Variants in IL7 observed in about 807,000 individuals in gnomAD.
IL7 encodes interleukin 7, also known as interleukin-7.
In IL7, 3 loss-of-function variants were observed where a neutral mutation model predicts 21.6. That is an observed-to-expected ratio of 0.14 (90% CI 0.06 to 0.36). IL7 has a LOEUF of 0.36. Among genes scored for constraint, IL7 ranks in the 10% least tolerant of loss-of-function variants. IL7 has a pLI of 1.00. For missense variants in IL7, 175 were observed against 200.2 expected (o/e 0.87, Z 0.76); for synonymous variants, 62 against 68.1 (o/e 0.91, Z 0.44).
At chr8:78,677,828 TAAGAAAGTA>T (rs904857859) in intron 4 of IL7, among the ~76,000 whole-genome samples, 30 of 152,304 alleles carry the variant, frequency 2.0e-4, no homozygotes, top group African/African-American at 7.2e-4. Context: ...GCAAGTTGAT[TAAGAAAGTA>T]AAGGAATGAA....
At chr8:78,801,693 A>G (rs1490546961) in intron 1 of IL7, among the ~76,000 whole-genome samples, 1 of 152,190 alleles carries the variant, frequency 6.6e-6, no homozygotes, top group Non-Finnish European at 1.5e-5. Flanking sequence ...TTCAGACTAA[A>G]TGATCTTTTT....
At chr8:78,783,066 G>A (rs1813393317) in intron 2 of IL7, among the ~76,000 whole-genome samples, 2 of 152,186 alleles carry the variant, frequency 1.3e-5, no homozygotes, top group African/African-American at 2.4e-5. Flanking sequence ...TGGAGCTGCA[G>A]TGATGGTTGC....
chr8:78,693,566 T>A (rs1345715005), intron 3 of IL7, among the ~76,000 whole-genome samples: 1 of 152,132 alleles, frequency 6.6e-6, no homozygotes. Flanking sequence ...TTTGCCCACT[T>A]TTTGATGGGG....
rs139096132 is a variant in IL7, at chr8:78,702,690, C to T, written n.215-16743G>A. On this transcript the variant is annotated intron_variant and non_coding_transcript_variant, in intron 3 of 4. Transcript: ENST00000523959. ...GTACTCTAAGTTTCAAAGCACTTCC[C>T]GATTTCTGCGTTAATTTCATTATTT... 1.6e-3 allele frequency among the ~76,000 whole-genome samples: 237 copies of T among 152,150 alleles called. 2 individuals are homozygous for T. Among genetic ancestry groups the T allele is most frequent in the African/African-American group, 5.3e-3 (218 of 41,502 alleles).
downstream of IL7, among the ~76,000 whole-genome samples, chr8:78,716,207 G>C (rs1371204470): frequency 2.0e-5 from 3 of 150,580 alleles, no homozygotes; most frequent in Admixed American, 6.6e-5. Flanking sequence ...ACTGCAAGCT[G>C]TGCCTCCCAG....
chr8:78,785,311 A>T (rs1813472148), intron 2 of IL7, among the ~76,000 whole-genome samples: 1 of 152,212 alleles, frequency 6.6e-6, no homozygotes, highest in South Asian at 2.1e-4. Flanking sequence ...AGGAACAATT[A>T]TTCATAAAAT....
chr8:78,745,249 A>G (rs1378658908), intron 2 of IL7, among the ~76,000 whole-genome samples: 2 of 152,244 alleles, frequency 1.3e-5, no homozygotes, highest in African/African-American at 4.8e-5. Context: ...TCTTCTTTAG[A>G]AACACTAATT....
intron 3 of IL7, among the ~76,000 whole-genome samples, chr8:78,687,357 G>A (rs1810018939): frequency 6.6e-6 from 1 of 150,910 alleles, no homozygotes; most frequent in African/African-American, 2.4e-5. Flanking sequence ...ACATTTTATT[G>A]TAGAGGAGAG....
At chr8:78,710,260 C>T (rs935692282) in intron 3 of IL7, among the ~76,000 whole-genome samples, 1 of 151,942 alleles carries the variant, frequency 6.6e-6, no homozygotes, top group Non-Finnish European at 1.5e-5. Flanking sequence ...TAACTTTTAG[C>T]CTAAGTAACA....
Position 78,798,072 on chromosome 8 carries a change from C to A in IL7, c.147G>T (p.Leu49Phe), listed in dbSNP as rs1813921389. 2.5e-6 allele frequency: 4 copies of A among 1,597,422 alleles called. No individual in the cohort carries two copies. Among genetic ancestry groups the A allele is most frequent in the South Asian group, 1.1e-5 (1 of 87,564 alleles). The change falls in exon 2 of 6, where the codon TTG (leucine) becomes TTT (phenylalanine). Residue 49 changes from leucine (L) to phenylalanine (F), a missense_variant and splice_region_variant. Physicochemically the swap from Leu to Phe is conservative, Grantham distance 22 (BLOSUM62 0). Coordinates refer to ENST00000263851, the MANE Select transcript of IL7 (RefSeq NM_000880.4). ...TGAGTAAAACAAAATAATCACATAC[C>A]AATAATTGATCGATGCTGACCATTA... ...SVLMVSIDQL[L>F]DSMKEIGSNC... is the part of the protein sequence containing the mutation.
chr8:78,739,653 C>G lies in IL7; in HGVS notation c.228+349G>C, dbSNP rs927626475. Among the ~76,000 whole-genome samples the G allele has an allele frequency of 1.1e-3, 159 of 150,616 alleles. 1 individual carries two copies. Among genetic ancestry groups the G allele is most frequent in the African/African-American group, 3.5e-3 (143 of 40,780 alleles). On this transcript the variant is annotated intron_variant, in intron 3 of 5. Coordinates refer to ENST00000263851, the MANE Select transcript of IL7 (RefSeq NM_000880.4). ...TTTGCAGTGAGCTGAGATTGCGCCACTACACTCCAGCCTGGTGACAGAGCG... is the reference window on the plus strand; with the variant it reads ...TTTGCAGTGAGCTGAGATTGCGCCAGTACACTCCAGCCTGGTGACAGAGCG...
intron 3 of IL7, among the ~76,000 whole-genome samples, chr8:78,722,380 C>T (rs1811256859): frequency 6.6e-6 from 1 of 151,194 alleles, no homozygotes. Flanking sequence ...TTCAAGAGGA[C>T]ATTCTATTTT....
chr8:78,739,370 G>T (rs1003424606), intron 3 of IL7, among the ~76,000 whole-genome samples: 3 of 152,138 alleles, frequency 2.0e-5, no homozygotes. Context: ...ATGTGTGCAA[G>T]CATTCACATT....
intron 2 of IL7, chr8:78,761,050 C>T: frequency 6.2e-7 from 1 of 1,611,832 alleles, no homozygotes. Flanking sequence ...TACAGTTATT[C>T]CATCTAATAT....
rs372216809 is a variant in IL7 at position 78,791,059 on chromosome 8, C to G, written c.147+7013G>C. Among the ~76,000 whole-genome samples, 81 of 152,078 alleles carry G rather than the reference C, an allele frequency of 5.3e-4. 2 individuals carry two copies. In the South Asian group the frequency reaches 0.015, roughly 27 times the overall value. On this transcript the variant is annotated intron_variant, in intron 2 of 5. Transcript: ENST00000263851. The stretch of plus-strand genomic sequence containing the variant: ...GGAATTGGAGAGTCCAGAAATAAAC[C>G]CATACATCTCTGGTGAAGTGATGTT...
chr8:78,691,627 AT>A (rs1173612708), intron 3 of IL7, among the ~76,000 whole-genome samples: 1 of 151,704 alleles, frequency 6.6e-6, no homozygotes, highest in East Asian at 1.9e-4. Flanking sequence ...TCCTTTTGTA[AT>A]TTTTTTAAAA....
chr8:78,802,058 T>A (rs1563442203), intron 1 of IL7, among the ~76,000 whole-genome samples: 1 of 152,224 alleles, frequency 6.6e-6, no homozygotes, highest in South Asian at 2.1e-4. Context: ...TTGCCCTTAC[T>A]TCCCCTGAAG....
downstream of IL7, among the ~76,000 whole-genome samples, chr8:78,715,632 A>T (rs1811077828): frequency 6.6e-6 from 1 of 152,162 alleles, no homozygotes; most frequent in Non-Finnish European, 1.5e-5. Flanking sequence ...ACTTTGAGGG[A>T]CTTAAGACTT....
chr8:78,685,742 C>T (rs546786428), intron 4 of IL7: 2 of 152,236 alleles, frequency 1.3e-5, no homozygotes, highest in South Asian at 2.1e-4. Context: ...TATTTCTAAT[C>T]GGTTCAAAAC....
Sources: gnomAD v4.1 joint callset for allele counts (sites outside exome capture counted in the v4.1 genomes callset) on GRCh38, gnomAD v4.1.1 for gene constraint, MANE v1.5 for transcripts, NCBI Gene and HGNC (gene_info 2026-07-23, HGNC 2026-07-21) for gene names.